Variants in EML6 observed in about 807,000 individuals in gnomAD.
The protein encoded by EML6 is EMAP like 6.
Under a neutral mutation model 240.1 loss-of-function variants are expected in EML6, and 154 were observed. The observed-to-expected ratio is 0.64, with a 90% confidence interval of 0.56 to 0.73. The LOEUF (loss-of-function observed/expected upper bound fraction) is 0.73. Among genes scored for constraint, EML6 ranks in the 30% least tolerant of loss-of-function variants. The probability of loss-of-function intolerance (pLI) is 0.00; values close to 1 mark genes in which losing one functional copy is unlikely to be tolerated. For synonymous variants in EML6, 1,148 were observed against 899.0 expected, an observed-to-expected ratio of 1.28 and a Z score of -4.95; for missense variants, 2,964 against 2,474.6, an observed-to-expected ratio of 1.20 and a Z score of -4.20.
At chr2:54,785,604 A>G (rs1214291302) in intron 2 of EML6, among the ~76,000 whole-genome samples, 1 of 152,136 alleles carries the variant, frequency 6.6e-6, no homozygotes, top group African/African-American at 2.4e-5. Context: ...GCATCTTTAT[A>G]TGTGTTTACA....
chr2:54,789,239 C>G (rs550271190), intron 2 of EML6, among the ~76,000 whole-genome samples: 1 of 152,110 alleles, frequency 6.6e-6, no homozygotes, highest in Admixed American at 6.5e-5. Context: ...TCCGGCCGGG[C>G]GCGGTGGCTC....
At chr2:54,834,855 G>T (rs1440634484) in intron 7 of EML6, among the ~76,000 whole-genome samples, 1 of 152,120 alleles carries the variant, frequency 6.6e-6, no homozygotes, top group Non-Finnish European at 1.5e-5. Flanking sequence ...TGCTTTGTAA[G>T]TTGCATTCCT....
chr2:54,934,791 G>C (rs1050646139), intron 28 of EML6, among the ~76,000 whole-genome samples: 1 of 151,982 alleles, frequency 6.6e-6, no homozygotes, highest in Non-Finnish European at 1.5e-5. Context: ...TGGCTCAAGC[G>C]GTCTTACACC....
intron 26 of EML6, among the ~76,000 whole-genome samples, chr2:54,922,805 A>G (rs1674328413): frequency 6.6e-6 from 1 of 152,198 alleles, no homozygotes; most frequent in South Asian, 2.1e-4. Flanking sequence ...AGAAAGACAA[A>G]TACTTTGTGA....
chr2:54,961,118 C>T, intron 35 of EML6, among the ~76,000 whole-genome samples: 1 of 149,570 alleles, frequency 6.7e-6, no homozygotes, highest in Non-Finnish European at 1.5e-5. Context: ...TGATGCCCAC[C>T]TGGAAGGGTA....
chr2:54,809,005 T>C (rs1670647437), intron 2 of EML6, among the ~76,000 whole-genome samples: 1 of 152,204 alleles, frequency 6.6e-6, no homozygotes, highest in Non-Finnish European at 1.5e-5. Context: ...TGATCCTTTT[T>C]TTGTTGCCAT....
At chr2:54,859,392 T>C (rs1670556933) in intron 11 of EML6, 142 bp from the exon 12 acceptor site, 1 of 661,188 alleles carries the variant, frequency 1.5e-6, no homozygotes, top group African/African-American at 1.9e-5. Context: ...CATTTGGTTA[T>C]TTGTTACAAT....
At chr2:54,803,063 A>C (rs1452268860) in intron 2 of EML6, among the ~76,000 whole-genome samples, 1 of 152,178 alleles carries the variant, frequency 6.6e-6, no homozygotes, top group African/African-American at 2.4e-5. Flanking sequence ...TGCTGGATGA[A>C]ATATTACATA....
intron 28 of EML6, 128 bp from the exon 29 acceptor site, chr2:54,948,754 C>T (rs1675815746): frequency 4.3e-6 from 3 of 690,640 alleles, no homozygotes; most frequent in Non-Finnish European, 7.6e-6. Flanking sequence ...CTGAACAGAT[C>T]CAAGTGGAGG....
chr2:54,872,794 G>A lies in EML6; in HGVS notation c.2344+1189G>A, dbSNP rs141001208. 2.4e-4 allele frequency among the ~76,000 whole-genome samples: 37 copies of A among 152,222 alleles called. No individual in the cohort carries two copies. The East Asian group carries it at 4.8e-3, about 20-fold the overall frequency. On this transcript the variant is annotated intron_variant, in intron 16 of 41. Coordinates refer to ENST00000356458, the MANE Select transcript of EML6 (RefSeq NM_001039753.4). ...CTCATGTGTCTTTTCAAGTCCTCCC[G>A]CCCTTTAAGGTCAAGCTGGAAGTTT...
intron 16 of EML6, among the ~76,000 whole-genome samples, chr2:54,874,132 G>C (rs1331990378): frequency 1.3e-5 from 2 of 152,208 alleles, no homozygotes; most frequent in Admixed American, 1.3e-4. Flanking sequence ...ACCTTTGGAA[G>C]AAGAGATTAG....
In EML6 at chr2:54,962,642, C is replaced by T. The variant is rs781100581; in HGVS notation, c.5088C>T (p.His1696=). Residue 1696 remains histidine (H), a synonymous_variant, in exon 36 of 42, where the codon CAC becomes CAT. Coordinates refer to ENST00000356458, the MANE Select transcript of EML6 (RefSeq NM_001039753.4). ...GGGAGATCTGGGGCCTGGCCACTCA[C>T]CCTTCCAAGGACCTCTTCATCTCTG... ...MEGEIWGLAT[H]PSKDLFISAS... is the part of the protein sequence containing the mutation. 8.4e-6 allele frequency: 13 copies of T among 1,543,096 alleles called. No individual in the cohort carries two copies. The South Asian group carries it at 1.3e-4, about 16-fold the overall frequency.
intron 2 of EML6, among the ~76,000 whole-genome samples, chr2:54,743,319 C>T (rs1023495986): frequency 2.6e-5 from 4 of 152,220 alleles, no homozygotes; most frequent in South Asian, 2.1e-4. Context: ...AGAAAACCCT[C>T]GCAGACGTGG....
chr2:54,810,606 A>T (rs576484082), intron 2 of EML6, among the ~76,000 whole-genome samples: 1 of 152,214 alleles, frequency 6.6e-6, no homozygotes, highest in Non-Finnish European at 1.5e-5. Context: ...CTGGCCTTCC[A>T]GGGGAAATAT....
intron 25 of EML6, among the ~76,000 whole-genome samples, chr2:54,914,755 G>A (rs1389978887): frequency 6.6e-6 from 1 of 151,628 alleles, no homozygotes; most frequent in African/African-American, 2.4e-5. Context: ...CTGAGCATGA[G>A]GGATTTTGGA....
intron 16 of EML6, among the ~76,000 whole-genome samples, chr2:54,875,492 A>T (rs1419231081): frequency 6.6e-6 from 1 of 152,184 alleles, no homozygotes; most frequent in Non-Finnish European, 1.5e-5. Flanking sequence ...ACACCTACTG[A>T]TAGCGTGCTT....
intron 2 of EML6, among the ~76,000 whole-genome samples, chr2:54,810,416 C>T (rs900702769): frequency 6.6e-6 from 1 of 152,164 alleles, no homozygotes; most frequent in Non-Finnish European, 1.5e-5. Flanking sequence ...CCAACCCCGT[C>T]ATTCAAAGAA....
At chr2:54,888,218 T>C (rs777683289) in intron 17 of EML6, among the ~76,000 whole-genome samples, 12 of 152,178 alleles carry the variant, frequency 7.9e-5, no homozygotes, top group Non-Finnish European at 1.3e-4. Flanking sequence ...GATCTTATAA[T>C]GCAGTGTGGC....
intron 2 of EML6, among the ~76,000 whole-genome samples, chr2:54,727,289 TG>T (rs1055248778): frequency 3.3e-5 from 5 of 149,318 alleles, no homozygotes; most frequent in Non-Finnish European, 7.4e-5. Context: ...CCACAATATT[TG>T]GTTGGGTCAG....
Sources: allele counts gnomAD v4.1 joint callset (sites outside exome capture counted in the v4.1 genomes callset), GRCh38; gene constraint gnomAD v4.1.1; transcripts MANE v1.5; gene names NCBI Gene and HGNC (gene_info 2026-07-23, HGNC 2026-07-21).